Variants in MBNL2 observed in about 807,000 individuals in gnomAD.
MBNL2 encodes muscleblind like splicing regulator 2.
MBNL2 carries 17 observed loss-of-function variants against 41.9 expected under a neutral mutation model. The observed-to-expected ratio is 0.41, with a 90% CI of 0.28 to 0.61. The LOEUF (loss-of-function observed/expected upper bound fraction) is 0.61, where lower values mean the gene tolerates loss of function less well. MBNL2 is among the 20% of genes least tolerant of loss of function. MBNL2 has a pLI of 0.35. For synonymous variants in MBNL2, 195 were observed against 182.9 expected (o/e 1.07, Z -0.53); for missense variants, 336 against 505.6 (o/e 0.66, Z 3.22).
At chr13:97,213,649 T>A in the MBNL2 span, among the ~76,000 whole-genome samples, 1 of 152,170 alleles carries the variant, frequency 6.6e-6, no homozygotes, top group Admixed American at 6.5e-5. Flanking sequence ...GGGTCCCATC[T>A]ACATCTTGCT....
intron 1 of MBNL2, among the ~76,000 whole-genome samples, chr13:97,267,668 G>A (rs1447469856): frequency 6.6e-6 from 1 of 152,162 alleles, no homozygotes; most frequent in Non-Finnish European, 1.5e-5. Context: ...CCTCTAGAAG[G>A]CTATGGGTCA....
At chr13:97,246,707 G>A (rs2152827700) in intron 1 of MBNL2, among the ~76,000 whole-genome samples, 1 of 152,206 alleles carries the variant, frequency 6.6e-6, no homozygotes, top group East Asian at 1.9e-4. Context: ...AATTTCTCTT[G>A]CTGAATTTTT....
intron 1 of MBNL2, among the ~76,000 whole-genome samples, chr13:97,257,558 T>C (rs2047789185): frequency 6.6e-6 from 1 of 151,918 alleles, no homozygotes; most frequent in Non-Finnish European, 1.5e-5. Flanking sequence ...ACTGAGAAAA[T>C]ACCCAAAAGA....
At chr13:97,271,691 C>T (rs893281047) in intron 1 of MBNL2, among the ~76,000 whole-genome samples, 3 of 152,118 alleles carry the variant, frequency 2.0e-5, no homozygotes, top group Non-Finnish European at 4.4e-5. Context: ...ATTTGGTTTT[C>T]TGTTCCTGTG....
At chr13:97,368,223 A>T (rs908905148) in intron 8 of MBNL2, among the ~76,000 whole-genome samples, 2 of 152,116 alleles carry the variant, frequency 1.3e-5, no homozygotes, top group Non-Finnish European at 2.9e-5. Flanking sequence ...CAGCCTGAGC[A>T]ACATGGTAAA....
intron 2 of MBNL2, among the ~76,000 whole-genome samples, chr13:97,310,780 ATC>A (rs1321579158): frequency 2.5e-4 from 26 of 103,418 alleles, no homozygotes; most frequent in Non-Finnish European, 5.1e-4. Flanking sequence ...GAAATTCAGC[ATC>A]TTTTTTTTTT....
intron 2 of MBNL2, among the ~76,000 whole-genome samples, chr13:97,282,848 G>A (rs976492821): frequency 6.6e-6 from 1 of 152,188 alleles, no homozygotes; most frequent in African/African-American, 2.4e-5. Flanking sequence ...AGATGGGATT[G>A]TGTCTTACTT....
the MBNL2 span, among the ~76,000 whole-genome samples, chr13:97,201,381 A>G: frequency 6.6e-6 from 1 of 152,144 alleles, no homozygotes; most frequent in Non-Finnish European, 1.5e-5. Flanking sequence ...TTCTTTTCAC[A>G]TATTATTTTA....
intron 2 of MBNL2, among the ~76,000 whole-genome samples, chr13:97,300,254 T>C (rs2057486404): frequency 6.6e-6 from 1 of 152,160 alleles, no homozygotes; most frequent in African/African-American, 2.4e-5. Context: ...CCTGGCAAGA[T>C]GACCATGTAC....
In MBNL2 at chr13:97,292,191, A is replaced by C. The variant is rs1370643716; in HGVS notation, c.174+15782A>C. On this transcript the variant is annotated intron_variant, in intron 2 of 8. Transcript: ENST00000679496. ...ACTCCAGCCTGGGCAACAGAGCCAGACTCCATCTCAAAAAAAAAAAAAAAA... is the reference window on the plus strand; with the variant it reads ...ACTCCAGCCTGGGCAACAGAGCCAGCCTCCATCTCAAAAAAAAAAAAAAAA... 2.3e-5 allele frequency among the ~76,000 whole-genome samples: 3 copies of C among 128,086 alleles called. No homozygotes were observed. In the South Asian group the frequency reaches 7.5e-4, roughly 32 times the overall value. The allele number at this position is 128,086 out of a possible 152,430, so 84.0% of individuals were successfully genotyped here.
At position 97,391,529 on chromosome 13, in the gene MBNL2, T is replaced by C; in HGVS notation, c.*80T>C. On this transcript the variant is annotated 3_prime_UTR_variant, in exon 9 of 9. Coordinates refer to ENST00000679496, the MANE Select transcript of MBNL2 (RefSeq NM_001382683.1). The stretch of plus-strand genomic sequence containing the variant: ...TCTCATATATGAGTATTAAATATGG[T>C]ATGCTTAGTATATTCCAACCTAAGA... 1.3e-6 allele frequency: 1 copy of C among 744,240 alleles called. No individual in the cohort carries two copies. Among genetic ancestry groups the C allele is most frequent in the Non-Finnish European group, 2.4e-6 (1 of 413,292 alleles). 46.1% of individuals were successfully genotyped at this position (744,240 alleles called of 1,614,324 possible).
chr13:97,233,779 T>C (rs2042811708), intron 1 of MBNL2, among the ~76,000 whole-genome samples: 1 of 151,926 alleles, frequency 6.6e-6, no homozygotes, highest in African/African-American at 2.4e-5. Flanking sequence ...AGCAGAGAGC[T>C]TTGGTCCTTT....
At chr13:97,223,452 C>T (rs1047106837) in intron 1 of MBNL2, among the ~76,000 whole-genome samples, 1 of 152,164 alleles carries the variant, frequency 6.6e-6, no homozygotes, top group Admixed American at 6.5e-5. Context: ...TTCTGCCAGG[C>T]ATGAGGAAAC....
At chr13:97,315,702 C>T (rs2058982909) in intron 2 of MBNL2, among the ~76,000 whole-genome samples, 1 of 152,104 alleles carries the variant, frequency 6.6e-6, no homozygotes, top group South Asian at 2.1e-4. Flanking sequence ...TTGGATTTTC[C>T]CAACTCCAAC....
In MBNL2 at chr13:97,350,468, T is replaced by G. The variant is rs9556708; in HGVS notation, c.804+3401T>G. On this transcript the variant is annotated intron_variant, in intron 5 of 8. Coordinates refer to ENST00000679496, the MANE Select transcript of MBNL2 (RefSeq NM_001382683.1). ...GACTCTTCCTTTTATGAAAGATTTC[T>G]CTGTAGCCTGCAATGTTATTTGATA... Among the ~76,000 whole-genome samples, 89 of 152,372 alleles carry G rather than the reference T, an allele frequency of 5.8e-4. 1 individual carries two copies. The East Asian group carries it at 0.017, about 29-fold the overall frequency.
chr13:97,276,554 CA>C, intron 2 of MBNL2, 145 bp downstream of exon 2: 1 of 745,010 alleles, frequency 1.3e-6, no homozygotes. Flanking sequence ...ATTTTTCACT[CA>C]AATTTTTTCA....
chr13:97,164,694 T>C, the MBNL2 span, among the ~76,000 whole-genome samples: 1 of 152,066 alleles, frequency 6.6e-6, no homozygotes, highest in African/African-American at 2.4e-5. Context: ...TTTATACAAA[T>C]TTTTACAATT....
the MBNL2 span, among the ~76,000 whole-genome samples, chr13:97,208,119 T>G: frequency 1.3e-5 from 2 of 152,228 alleles, no homozygotes; most frequent in Non-Finnish European, 2.9e-5. Flanking sequence ...GAAATTAAGT[T>G]TGGAGATAAA....
chr13:97,349,164 A>T (rs1156783262), intron 5 of MBNL2, among the ~76,000 whole-genome samples: 2 of 145,324 alleles, frequency 1.4e-5, no homozygotes, highest in Admixed American at 6.7e-5. Flanking sequence ...CTGAGTGTGA[A>T]TTCCTATATA....
Sources: gnomAD v4.1 joint callset for allele counts (sites outside exome capture counted in the v4.1 genomes callset) on GRCh38, gnomAD v4.1.1 for gene constraint, MANE v1.5 for transcripts, NCBI Gene and HGNC (gene_info 2026-07-23, HGNC 2026-07-21) for gene names.